The following MAPK10 variants were observed in gnomAD, a reference collection of about 807,000 sequenced individuals.
MAPK10 encodes JNK3 alpha protein kinase.
Under a neutral mutation model 59.3 loss-of-function variants are expected in MAPK10, and 25 were observed. The ratio of observed to expected loss-of-function variants is 0.42; its 90% CI spans 0.31 to 0.59. The LOEUF is 0.59. Ranked by LOEUF, MAPK10 falls within the 20% of genes least tolerant of loss-of-function variation. MAPK10 has a pLI of 0.15. For synonymous variants in MAPK10, 190 were observed against 200.5 expected (o/e 0.95, Z 0.44); for missense variants, 351 against 568.9 (o/e 0.62, Z 3.90).
intron 2 of MAPK10, among the ~76,000 whole-genome samples, chr4:86,218,325 C>G (rs994397334): frequency 6.6e-6 from 1 of 151,984 alleles, no homozygotes. Flanking sequence ...GGACTACAGG[C>G]GCCCGCCACC....
intron 2 of MAPK10, among the ~76,000 whole-genome samples, chr4:86,351,339 T>C (rs1731256395): frequency 6.6e-6 from 1 of 150,804 alleles, no homozygotes; most frequent in Non-Finnish European, 1.5e-5. Context: ...TGACAATATA[T>C]TACAACATTA....
At chr4:86,120,970 A>G (rs1484020640) in intron 4 of MAPK10, among the ~76,000 whole-genome samples, 1 of 152,350 alleles carries the variant, frequency 6.6e-6, no homozygotes, top group African/African-American at 2.4e-5. Context: ...ATAAAATTAA[A>G]ACTACATATT....
chr4:86,550,592 G>C (rs561323473), intron 1 of MAPK10, among the ~76,000 whole-genome samples: 4 of 151,874 alleles, frequency 2.6e-5, no homozygotes, highest in Admixed American at 2.6e-4. Context: ...CCAGCTACTC[G>C]GGAGGGAGGC....
chr4:86,358,034 T>C, intron 1 of MAPK10: 1 of 975,912 alleles, frequency 1.0e-6, no homozygotes, highest in Non-Finnish European at 1.2e-6. Context: ...TCCAATACTT[T>C]ATGTCAATTT....
intron 9 of MAPK10, among the ~76,000 whole-genome samples, chr4:86,073,888 G>GT: frequency 8.6e-6 from 1 of 116,816 alleles, no homozygotes; most frequent in Non-Finnish European, 1.8e-5. Context: ...GGGGTGGTGA[G>GT]TTCTGTAGAT....
At chr4:86,215,379 CACAA>C (rs2087190618) in intron 2 of MAPK10, among the ~76,000 whole-genome samples, 1 of 152,102 alleles carries the variant, frequency 6.6e-6, no homozygotes, top group Admixed American at 6.5e-5. Context: ...ACATGAAAGA[CACAA>C]GCAACAAAAG....
At chr4:86,092,038 G>T (rs558817245) in intron 9 of MAPK10, among the ~76,000 whole-genome samples, 3 of 151,878 alleles carry the variant, frequency 2.0e-5, no homozygotes, top group Non-Finnish European at 4.4e-5. Flanking sequence ...TGGTGTGGGG[G>T]ATCTGGGAGA....
At chr4:86,229,197 T>A (rs2091157631) in intron 2 of MAPK10, among the ~76,000 whole-genome samples, 1 of 152,136 alleles carries the variant, frequency 6.6e-6, no homozygotes, top group Admixed American at 6.6e-5. Context: ...TGAAGTTTAA[T>A]TTTTTTCACA....
At position 86,227,963 on chromosome 4, in the gene MAPK10, C is replaced by T. The variant is rs1040891158; in HGVS notation, c.-6-33556G>A. Reference sequence around the variant, plus strand: ...ATCCCTAGAAACAGTAGACACTGCACACCATGCAGGGCCATGTGGGGAATG... The same window carrying T: ...ATCCCTAGAAACAGTAGACACTGCATACCATGCAGGGCCATGTGGGGAATG... On this transcript the variant is annotated intron_variant, in intron 2 of 13. Coordinates refer to ENST00000641462, the MANE Select transcript of MAPK10 (RefSeq NM_138982.4). Among the ~76,000 whole-genome samples the T allele has an allele frequency of 3.9e-5, 6 of 152,148 alleles. No individual in the cohort carries two copies. The South Asian group carries it at 1.0e-3, about 26-fold the overall frequency.
chr4:86,112,120 A>G (rs1580450975), intron 4 of MAPK10, among the ~76,000 whole-genome samples: 1 of 147,298 alleles, frequency 6.8e-6, no homozygotes, highest in South Asian at 2.2e-4. Context: ...TTATTAATCT[A>G]GTTAGTGGTC....
chr4:86,115,236 G>A lies in MAPK10; in HGVS notation c.237-7884C>T, dbSNP rs545119550. Among the ~76,000 whole-genome samples the A allele has an allele frequency of 2.0e-5, 3 of 152,312 alleles. No individual in the cohort carries two copies. The South Asian group carries it at 6.2e-4, about 32-fold the overall frequency. On this transcript the variant is annotated intron_variant, in intron 4 of 13. Coordinates refer to ENST00000641462, the MANE Select transcript of MAPK10 (RefSeq NM_138982.4). ...ATGCACAGATCCATGGAAAAAGCATGGTTTCCCAGGCGGGGCAGCGCAGTC... is the reference window on the plus strand; with the variant it reads ...ATGCACAGATCCATGGAAAAAGCATAGTTTCCCAGGCGGGGCAGCGCAGTC...
chr4:86,458,617 A>G (rs1237005508), intron 1 of MAPK10, among the ~76,000 whole-genome samples: 3 of 152,190 alleles, frequency 2.0e-5, no homozygotes, highest in African/African-American at 7.2e-5. Flanking sequence ...AAACCCAAAT[A>G]CTTACAGCCA....
chr4:86,466,295 G>A (rs1297857724), intron 1 of MAPK10, among the ~76,000 whole-genome samples: 1 of 152,206 alleles, frequency 6.6e-6, no homozygotes, highest in Non-Finnish European at 1.5e-5. Context: ...CCCCTAAGGG[G>A]ACATTTAGCT....
At chr4:86,536,137 C>A (rs1758227936) in intron 1 of MAPK10, among the ~76,000 whole-genome samples, 1 of 152,200 alleles carries the variant, frequency 6.6e-6, no homozygotes, top group Non-Finnish European at 1.5e-5. Context: ...CAACAACTAT[C>A]TAATAAATAA....
At chr4:86,523,773 G>T (rs1481378356) in intron 1 of MAPK10, among the ~76,000 whole-genome samples, 1 of 152,048 alleles carries the variant, frequency 6.6e-6, no homozygotes, top group African/African-American at 2.4e-5. Flanking sequence ...TCTCTCAAAG[G>T]CTCTAAATCT....
intron 1 of MAPK10, among the ~76,000 whole-genome samples, chr4:86,430,643 C>T (rs1022881228): frequency 2.0e-5 from 3 of 152,052 alleles, no homozygotes; most frequent in South Asian, 2.1e-4. Context: ...TCTACAAAAG[C>T]GCCATTTAAG....
At chr4:86,249,230 A>G (rs549129699) in intron 2 of MAPK10, among the ~76,000 whole-genome samples, 1 of 152,182 alleles carries the variant, frequency 6.6e-6, no homozygotes, top group Non-Finnish European at 1.5e-5. Flanking sequence ...GCTAAAATAA[A>G]TAGGAGCTTA....
chr4:86,138,766 T>G (rs571266460), intron 4 of MAPK10, among the ~76,000 whole-genome samples: 1 of 151,844 alleles, frequency 6.6e-6, no homozygotes, highest in African/African-American at 2.4e-5. Flanking sequence ...GCAGATGACA[T>G]GACTGTATAT....
chr4:86,212,296 T>A (rs796729468), intron 2 of MAPK10, among the ~76,000 whole-genome samples: 13 of 152,144 alleles, frequency 8.5e-5, no homozygotes, highest in African/African-American at 2.2e-4. Flanking sequence ...GGTGGGAGGA[T>A]CTCTTCAGGT....
Sources: allele counts gnomAD v4.1 joint callset (sites outside exome capture counted in the v4.1 genomes callset), GRCh38; gene constraint gnomAD v4.1.1; transcripts MANE v1.5; gene names NCBI Gene and HGNC (gene_info 2026-07-23, HGNC 2026-07-21).